Variants in CEP85L observed in about 807,000 individuals in gnomAD.
CEP85L encodes centrosomal protein 85L.
CEP85L carries 60 observed loss-of-function variants against 100.3 expected under a neutral mutation model. The ratio of observed to expected loss-of-function variants is 0.60; its 90% CI spans 0.49 to 0.74. CEP85L has a LOEUF of 0.74. Among genes scored for constraint, CEP85L ranks in the 30% least tolerant of loss-of-function variants. The pLI is 0.00. For synonymous variants in CEP85L, 319 were observed against 322.7 expected (o/e 0.99, Z 0.12); for missense variants, 973 against 936.2 (o/e 1.04, Z -0.51).
At chr6:118,627,135 G>A (rs1773848486) in intron 2 of CEP85L, among the ~76,000 whole-genome samples, 1 of 147,738 alleles carries the variant, frequency 6.8e-6, no homozygotes, top group Admixed American at 6.9e-5. Context: ...GGAGGCAGAG[G>A]TTACAGTGAG....
chr6:118,553,209 A>G (rs1284948360), intron 3 of CEP85L, among the ~76,000 whole-genome samples: 1 of 98,012 alleles, frequency 1.0e-5, no homozygotes, highest in Non-Finnish European at 2.2e-5. Context: ...TTAGCTGTTA[A>G]GAAATTAAAA....
At chr6:118,585,136 C>T (rs917659715) in intron 2 of CEP85L, among the ~76,000 whole-genome samples, 1 of 152,314 alleles carries the variant, frequency 6.6e-6, no homozygotes, top group Non-Finnish European at 1.5e-5. Flanking sequence ...AAGTGTGTCA[C>T]TCCCTCCAGG....
intron 2 of CEP85L, among the ~76,000 whole-genome samples, chr6:118,590,346 C>T (rs901757444): frequency 9.9e-5 from 15 of 152,108 alleles, no homozygotes; most frequent in African/African-American, 3.4e-4. Context: ...GGGGCTGAGC[C>T]GGCAAGCTTT....
At position 118,553,534 on chromosome 6, in the gene CEP85L, C is replaced by A. The variant is rs139156134; in HGVS notation, c.1020+11995G>T. Reference sequence around the variant, plus strand: ...TAAATGTATATCATTAACATTTTAGCGTGTAAAGCAGATTTAAGTTTAGGC... The same window carrying A: ...TAAATGTATATCATTAACATTTTAGAGTGTAAAGCAGATTTAAGTTTAGGC... On this transcript the variant is annotated intron_variant, in intron 3 of 12. Coordinates refer to ENST00000368491, the MANE Select transcript of CEP85L (RefSeq NM_001042475.3). 4.7e-4 allele frequency among the ~76,000 whole-genome samples: 71 copies of A among 152,146 alleles called. No individual in the cohort carries two copies. In the South Asian group the frequency reaches 7.7e-3, roughly 16 times the overall value.
chr6:118,556,624 T>G (rs1426407815), intron 3 of CEP85L, among the ~76,000 whole-genome samples: 1 of 152,210 alleles, frequency 6.6e-6, no homozygotes, highest in Non-Finnish European at 1.5e-5. Flanking sequence ...CAGGTTGAGA[T>G]GGGCTTTTAT....
At chr6:118,617,955 A>G (rs1193108815) in intron 2 of CEP85L, among the ~76,000 whole-genome samples, 3 of 152,218 alleles carry the variant, frequency 2.0e-5, no homozygotes, top group Non-Finnish European at 4.4e-5. Context: ...GCGATTAGCA[A>G]GACCACTGGA....
chr6:118,567,712 T>C (rs1453081411), intron 2 of CEP85L, among the ~76,000 whole-genome samples: 2 of 152,190 alleles, frequency 1.3e-5, no homozygotes, highest in African/African-American at 4.8e-5. Flanking sequence ...TGTATTCTCT[T>C]ACATTGTCTT....
chr6:118,603,301 C>G (rs1211339266), intron 2 of CEP85L, among the ~76,000 whole-genome samples: 1 of 152,140 alleles, frequency 6.6e-6, no homozygotes, highest in Non-Finnish European at 1.5e-5. Flanking sequence ...ACTGTGTAGG[C>G]AAGGAATGAG....
chr6:118,544,260 T>G (rs1778072322), intron 3 of CEP85L, among the ~76,000 whole-genome samples: 1 of 152,178 alleles, frequency 6.6e-6, no homozygotes, highest in Non-Finnish European at 1.5e-5. Flanking sequence ...AAGGGTTGGT[T>G]TTTGTTGTTA....
At chr6:118,519,103 C>T (rs1301586958) in intron 4 of CEP85L, among the ~76,000 whole-genome samples, 1 of 151,838 alleles carries the variant, frequency 6.6e-6, no homozygotes, top group African/African-American at 2.4e-5. Flanking sequence ...AGACTAAATG[C>T]CTATACCAGA....
At chr6:118,600,300 G>GGTGTGTGTGTGTGTGTGTGTGTGTGTGT (rs59278037) in intron 2 of CEP85L, among the ~76,000 whole-genome samples, 2 of 52,236 alleles carry the variant, frequency 3.8e-5, no homozygotes, top group East Asian at 5.9e-4. Context: ...CCTTCCTGGG[G>GGTGTGTGTGTGTGTGTGTGTGTGTGTGT]GTGTGTGTGT....
intron 3 of CEP85L, among the ~76,000 whole-genome samples, chr6:118,529,972 GA>G (rs761323560): frequency 1.3e-5 from 2 of 151,830 alleles, no homozygotes; most frequent in East Asian, 3.9e-4. Flanking sequence ...TGGCTAACAT[GA>G]AAAAATAGAT....
At chr6:118,526,885 G>C (rs1405996210) in intron 3 of CEP85L, among the ~76,000 whole-genome samples, 1 of 151,072 alleles carries the variant, frequency 6.6e-6, no homozygotes, top group Non-Finnish European at 1.5e-5. Flanking sequence ...GAAAATTCAT[G>C]AATAATCCAC....
chr6:118,507,161 T>C (rs1775706373), intron 5 of CEP85L, among the ~76,000 whole-genome samples: 1 of 152,170 alleles, frequency 6.6e-6, no homozygotes, highest in African/African-American at 2.4e-5. Flanking sequence ...TAACTCACTA[T>C]TTTTCTCCTC....
chr6:118,520,392 G>C (rs1454265241), intron 4 of CEP85L, among the ~76,000 whole-genome samples: 1 of 152,036 alleles, frequency 6.6e-6, no homozygotes, highest in African/African-American at 2.4e-5. Context: ...ATATATTTAA[G>C]AACGTTTTGA....
At chr6:118,618,931 A>C (rs1016758988) in intron 2 of CEP85L, among the ~76,000 whole-genome samples, 4 of 152,202 alleles carry the variant, frequency 2.6e-5, no homozygotes, top group African/African-American at 9.7e-5. Flanking sequence ...AAGGGACCAC[A>C]ATAAATCCAA....
intron 1 of CEP85L, among the ~76,000 whole-genome samples, chr6:118,694,173 C>T (rs1777132523): frequency 1.3e-5 from 2 of 152,160 alleles, no homozygotes; most frequent in African/African-American, 4.8e-5. Flanking sequence ...CAGCAAAAAA[C>T]ACATTCAACT....
intron 4 of CEP85L, among the ~76,000 whole-genome samples, chr6:118,520,320 A>C (rs1776583499): frequency 6.6e-6 from 1 of 152,236 alleles, no homozygotes; most frequent in Non-Finnish European, 1.5e-5. Flanking sequence ...ATCTACAAAA[A>C]AATACCTACT....
intron 10 of CEP85L, among the ~76,000 whole-genome samples, chr6:118,472,402 T>C (rs1773030118): frequency 6.6e-6 from 1 of 152,158 alleles, no homozygotes; most frequent in Admixed American, 6.5e-5. Flanking sequence ...TAAAAGACAT[T>C]GCAGATAGGC....
Sources: gnomAD v4.1 joint callset for allele counts (sites outside exome capture counted in the v4.1 genomes callset) on GRCh38, gnomAD v4.1.1 for gene constraint, MANE v1.5 for transcripts, NCBI Gene and HGNC (gene_info 2026-07-23, HGNC 2026-07-21) for gene names.